GRHL2: variants seen among roughly 807,000 people sequenced by gnomAD.
GRHL2 encodes the protein grainyhead like transcription factor 2, also known as grainyhead-like protein 2 homolog.
A neutral mutation model predicts 83.8 loss-of-function variants in GRHL2; 21 were observed. That is an observed-to-expected ratio of 0.25 (90% CI 0.18 to 0.36). GRHL2 has a LOEUF of 0.36. Among genes scored for constraint, GRHL2 ranks in the 10% least tolerant of loss-of-function variants. The pLI is 1.00. For missense variants in GRHL2, 623 were observed against 781.8 expected (o/e 0.80, Z 2.42); for synonymous variants, 280 against 278.9 (o/e 1.00, Z -0.04).
chr8:101,527,008 C>T (rs995048935), intron 1 of GRHL2, among the ~76,000 whole-genome samples: 1 of 152,042 alleles, frequency 6.6e-6, no homozygotes, highest in Non-Finnish European at 1.5e-5. Flanking sequence ...AGTTTAATGC[C>T]GCTGTCTTTA....
chr8:101,634,311 T>C (rs4734563), intron 11 of GRHL2, among the ~76,000 whole-genome samples: 1,685 of 152,146 alleles, frequency 0.011, 54 homozygotes, highest in South Asian at 0.093. Flanking sequence ...GACTATCCTG[T>C]GGTTGATCAG....
chr8:101,599,995 T>A (rs946919419), intron 8 of GRHL2, among the ~76,000 whole-genome samples: 2 of 152,196 alleles, frequency 1.3e-5, no homozygotes, highest in Non-Finnish European at 2.9e-5. Flanking sequence ...AGGAGGGTGT[T>A]AGAAGAGTTT....
intron 4 of GRHL2, among the ~76,000 whole-genome samples, chr8:101,569,347 T>C (rs911105283): frequency 1.3e-5 from 2 of 152,180 alleles, no homozygotes; most frequent in Non-Finnish European, 1.5e-5. Flanking sequence ...TTAACAATAT[T>C]GTGATAATGA....
chr8:101,568,608 T>C (rs527745612), intron 4 of GRHL2, among the ~76,000 whole-genome samples: 13 of 152,252 alleles, frequency 8.5e-5, no homozygotes, highest in East Asian at 1.9e-4. Flanking sequence ...TAATGTGAAT[T>C]TATTCCATCC....
intron 14 of GRHL2, 60 bp from the exon 15 acceptor site, chr8:101,664,394 C>A: frequency 1.6e-6 from 2 of 1,247,664 alleles, no homozygotes; most frequent in Non-Finnish European, 2.4e-6. Context: ...GAACTTTCCC[C>A]CTTGCCTCCA....
intron 12 of GRHL2, among the ~76,000 whole-genome samples, chr8:101,643,870 T>C (rs1315064430): frequency 6.6e-6 from 1 of 152,196 alleles, no homozygotes; most frequent in Admixed American, 6.5e-5. Context: ...AAATCCACTT[T>C]TGAAGTCTCA....
chr8:101,588,016 G>C (rs987099100), intron 7 of GRHL2, among the ~76,000 whole-genome samples: 1 of 152,198 alleles, frequency 6.6e-6, no homozygotes, highest in East Asian at 1.9e-4. Context: ...CCAAAATAAG[G>C]TAAAGCTAAT....
intron 8 of GRHL2, among the ~76,000 whole-genome samples, chr8:101,616,144 T>C (rs1463174289): frequency 2.7e-5 from 4 of 150,936 alleles, no homozygotes; most frequent in Non-Finnish European, 5.9e-5. Flanking sequence ...TTTCTTTCTT[T>C]CTCTCTCTCT....
chr8:101,652,373 G>GTT (rs1563626843), intron 14 of GRHL2, among the ~76,000 whole-genome samples: 1 of 10,468 alleles, frequency 9.6e-5, no homozygotes, highest in Non-Finnish European at 2.1e-4. Flanking sequence ...GTGTGTGTCT[G>GTT]ATGTGTGTGT....
chr8:101,631,046 A>G, intron 9 of GRHL2, among the ~76,000 whole-genome samples: 1 of 152,188 alleles, frequency 6.6e-6, no homozygotes, highest in East Asian at 1.9e-4. Flanking sequence ...TATTTGGTTG[A>G]ATGAGCACCA....
intron 1 of GRHL2, among the ~76,000 whole-genome samples, chr8:101,495,682 T>C (rs981071231): frequency 4.6e-5 from 7 of 152,194 alleles, no homozygotes; most frequent in African/African-American, 1.7e-4. Context: ...TTACCTACTA[T>C]TTGTAACACA....
chr8:101,635,957 T>C (rs1204782202), intron 11 of GRHL2, among the ~76,000 whole-genome samples: 1 of 152,162 alleles, frequency 6.6e-6, no homozygotes, highest in Non-Finnish European at 1.5e-5. Flanking sequence ...CACAGCTGTT[T>C]CTCACCCAGG....
Position 101,644,185 on chromosome 8 carries a change from A to G in GRHL2, c.1572A>G (p.Pro524=), listed in dbSNP as rs34213258. 13,396 of 1,614,074 alleles carry G rather than the reference A, an allele frequency of 8.3e-3. 352 individuals carry two copies. The African/African-American group carries it at 0.083, about 10-fold the overall frequency. Reference sequence around the variant, plus strand: ...GGCCCATGGAAGAGGAGTTTGGTCCAGTGCCTTCAAAGCAGATGAAAGAAG... The same window carrying G: ...GGCCCATGGAAGAGGAGTTTGGTCCGGTGCCTTCAAAGCAGATGAAAGAAG... ...MFRPMEEEFG[P]VPSKQMKEEG... is the part of the protein sequence containing the mutation. The change falls in exon 13 of 16, where the codon CCA becomes CCG. Residue 524 remains proline (P), a synonymous_variant. Coordinates refer to ENST00000646743, the MANE Select transcript of GRHL2 (RefSeq NM_024915.4).
intron 13 of GRHL2, among the ~76,000 whole-genome samples, chr8:101,646,287 CG>C (rs1159967417): frequency 2.0e-5 from 3 of 152,132 alleles, no homozygotes; most frequent in Non-Finnish European, 4.4e-5. Context: ...TCAAGAATCA[CG>C]GAATCACACA....
intron 7 of GRHL2, among the ~76,000 whole-genome samples, chr8:101,586,322 T>G (rs1812170516): frequency 6.6e-6 from 1 of 152,174 alleles, no homozygotes; most frequent in Admixed American, 6.5e-5. Context: ...TTATTAATAT[T>G]TTAAAATGAC....
chr8:101,632,449 G>A, intron 11 of GRHL2, 84 bp downstream of exon 11: 1 of 1,526,582 alleles, frequency 6.6e-7, no homozygotes. Context: ...AGACAGTGTT[G>A]ACCTCAAAAA....
chr8:101,539,294 A>G (rs1026827904), intron 1 of GRHL2, among the ~76,000 whole-genome samples: 1 of 152,182 alleles, frequency 6.6e-6, no homozygotes, highest in Non-Finnish European at 1.5e-5. Context: ...ATCCTTTTCA[A>G]TGGTGTGATC....
At chr8:101,531,960 T>C (rs1037592491) in intron 1 of GRHL2, among the ~76,000 whole-genome samples, 7 of 152,240 alleles carry the variant, frequency 4.6e-5, no homozygotes, top group African/African-American at 1.7e-4. Context: ...ATGCACTTTA[T>C]GTGGTGGAGG....
intron 1 of GRHL2, among the ~76,000 whole-genome samples, chr8:101,506,390 C>T (rs1282301704): frequency 6.6e-6 from 1 of 152,126 alleles, no homozygotes; most frequent in Non-Finnish European, 1.5e-5. Flanking sequence ...CTTACAGTTT[C>T]TAATATGTGC....
Sources: allele counts gnomAD v4.1 joint callset (sites outside exome capture counted in the v4.1 genomes callset), GRCh38; gene constraint gnomAD v4.1.1; transcripts MANE v1.5; gene names NCBI Gene and HGNC (gene_info 2026-07-23, HGNC 2026-07-21).